The following GFOD1 variants were observed in gnomAD, a reference collection of about 807,000 sequenced individuals.
GFOD1 encodes glucose-fructose oxidoreductase domain-containing protein 1.
A neutral mutation model predicts 25.4 loss-of-function variants in GFOD1; 9 were observed. The ratio of observed to expected loss-of-function variants is 0.35; its 90% confidence interval spans 0.21 to 0.62. The LOEUF (loss-of-function observed/expected upper bound fraction) is 0.62, where lower values mean the gene tolerates loss of function less well. GFOD1 is among the 20% of genes least tolerant of loss of function. The pLI is 0.72. For synonymous variants in GFOD1, 253 were observed against 245.6 expected (o/e 1.03, Z -0.28); for missense variants, 403 against 556.9 (o/e 0.72, Z 2.78).
At chr6:13,371,152 C>T (rs1027416453) in intron 1 of GFOD1, among the ~76,000 whole-genome samples, 5 of 152,162 alleles carry the variant, frequency 3.3e-5, no homozygotes, top group African/African-American at 9.7e-5. Flanking sequence ...TAGATTCTAC[C>T]GGGAAGACAG....
At chr6:13,422,201 T>C (rs2127568479) in intron 1 of GFOD1, among the ~76,000 whole-genome samples, 1 of 152,276 alleles carries the variant, frequency 6.6e-6, no homozygotes, top group East Asian at 1.9e-4. Context: ...AATACTTAGG[T>C]TCTGGTGACA....
chr6:13,381,127 T>TC (rs1785355112), intron 1 of GFOD1, among the ~76,000 whole-genome samples: 2 of 152,348 alleles, frequency 1.3e-5, no homozygotes, highest in South Asian at 4.1e-4. Flanking sequence ...GCAGTCATGC[T>TC]GCCCCTGGTG....
intron 1 of GFOD1, among the ~76,000 whole-genome samples, chr6:13,466,987 C>A (rs1216453421): frequency 6.6e-6 from 1 of 152,106 alleles, no homozygotes; most frequent in Non-Finnish European, 1.5e-5. Flanking sequence ...TGGCAAGCAG[C>A]CGTCCCACTA....
At chr6:13,470,186 A>AT in intron 1 of GFOD1, 1 of 1,571,210 alleles carries the variant, frequency 6.4e-7, no homozygotes, top group Non-Finnish European at 8.7e-7. Context: ...CCTGCGCGCG[A>AT]TGAACGCATC....
chr6:13,453,989 G>T (rs1187332835), intron 1 of GFOD1, among the ~76,000 whole-genome samples: 1 of 152,228 alleles, frequency 6.6e-6, no homozygotes, highest in African/African-American at 2.4e-5. Context: ...AAACAGAGTT[G>T]TGGCAGATGT....
rs1303014411 is a variant in GFOD1 at position 13,412,113 on chromosome 6, C to T, written c.254-46451G>A. Among the ~76,000 whole-genome samples the T allele has an allele frequency of 2.6e-5, 4 of 152,194 alleles. No individual in the cohort carries two copies. In the East Asian group the frequency reaches 7.7e-4, roughly 29 times the overall value. ...ATATTAGCTATGAGGGTTAGACTGCCACTTAGTACATTATAAGTGTTATGA... is the reference window on the plus strand; with the variant it reads ...ATATTAGCTATGAGGGTTAGACTGCTACTTAGTACATTATAAGTGTTATGA... On this transcript the variant is annotated intron_variant, in intron 1 of 1. Transcript: ENST00000379287.
chr6:13,437,410 G>C (rs769156580), intron 1 of GFOD1, among the ~76,000 whole-genome samples: 6 of 152,166 alleles, frequency 3.9e-5, no homozygotes, highest in Non-Finnish European at 7.3e-5. Context: ...CTTTCTGCAA[G>C]GCTAGAATTG....
chr6:13,417,216 C>T (rs762140731), intron 1 of GFOD1, among the ~76,000 whole-genome samples: 12 of 152,158 alleles, frequency 7.9e-5, no homozygotes, highest in South Asian at 2.1e-4. Context: ...TGCAGTGGCG[C>T]GATCTGGGCT....
chr6:13,420,477 G>A (rs1029862139), intron 1 of GFOD1, among the ~76,000 whole-genome samples: 5 of 152,166 alleles, frequency 3.3e-5, no homozygotes, highest in African/African-American at 1.2e-4. Flanking sequence ...GAACACTAAG[G>A]GAATTAGGAG....
intron 1 of GFOD1, among the ~76,000 whole-genome samples, chr6:13,409,365 G>GAGTA (rs1786028605): frequency 7.1e-6 from 1 of 140,436 alleles, no homozygotes; most frequent in African/African-American, 2.6e-5. Flanking sequence ...GAAAGAGACA[G>GAGTA]AGGAAGGAAG....
At chr6:13,441,545 T>C (rs1023529080) in intron 1 of GFOD1, among the ~76,000 whole-genome samples, 1 of 152,238 alleles carries the variant, frequency 6.6e-6, no homozygotes, top group East Asian at 1.9e-4. Flanking sequence ...CTAGTCTCAC[T>C]GCAAAAATAA....
rs751355135 is a variant in GFOD1 at position 13,365,616 on chromosome 6, G to A, written c.300C>T (p.Asp100=). Residue 100 remains aspartate (D), a synonymous_variant, in exon 2 of 2, where the codon GAC becomes GAT. Coordinates refer to ENST00000379287, the MANE Select transcript of GFOD1 (RefSeq NM_018988.4). The surrounding 1 kb of genome is among the most constrained non-coding windows in gnomAD (Gnocchi z 9.2). ...VICDRTATPL[D]AFRMTSAAHY... ...GGGCGGCCGAGGTCATGCGGAAAGC[G>A]TCCAGCGGCGTGGCCGTGCGGTCGC... 7 of 1,601,666 alleles carry A rather than the reference G, an allele frequency of 4.4e-6. No individual in the cohort carries two copies. The African/African-American group carries it at 5.3e-5, about 12-fold the overall frequency.
intron 1 of GFOD1, among the ~76,000 whole-genome samples, chr6:13,386,713 G>A (rs945244803): frequency 1.3e-5 from 2 of 152,160 alleles, no homozygotes; most frequent in African/African-American, 4.8e-5. Flanking sequence ...TGTGGCAGGT[G>A]TAGACTTCAT....
At chr6:13,415,651 G>A (rs964045893) in intron 1 of GFOD1, among the ~76,000 whole-genome samples, 1 of 152,166 alleles carries the variant, frequency 6.6e-6, no homozygotes, top group African/African-American at 2.4e-5. Flanking sequence ...CCTTCTATGT[G>A]TCCGGATTCA....
chr6:13,438,571 T>C (rs557198358), intron 1 of GFOD1, among the ~76,000 whole-genome samples: 2 of 152,200 alleles, frequency 1.3e-5, no homozygotes, highest in African/African-American at 4.8e-5. Flanking sequence ...AATATATTAA[T>C]ATTAATATAT....
intron 1 of GFOD1, among the ~76,000 whole-genome samples, chr6:13,399,191 G>C (rs544815961): frequency 1.3e-5 from 2 of 152,114 alleles, no homozygotes; most frequent in Admixed American, 6.5e-5. Context: ...AGGGAGGGGT[G>C]GCATGTAGGG....
Position 13,361,621 on chromosome 6 carries a change from A to T in GFOD1, c.*3122T>A, listed in dbSNP as rs1440703525. 2 of 152,236 alleles carry T rather than the reference A, an allele frequency of 1.3e-5. No individual in the cohort carries two copies. The highest frequency in any genetic ancestry group is 1.3e-4 in the Admixed American group (2 of 15,284). 9.4% of individuals were successfully genotyped at this position (152,236 alleles called of 1,614,324 possible). A position where few individuals can be genotyped will look rare whatever the true frequency, so the allele number is the denominator to read the frequency against. ...GATTTCAGCTTCATATAGCTACCCC[A>T]AATCAAGTCTTTGCATGTGGTGGGA... On this transcript the variant is annotated 3_prime_UTR_variant, in exon 2 of 2. Transcript: ENST00000379287.
intron 1 of GFOD1, among the ~76,000 whole-genome samples, chr6:13,390,784 G>GAAGA (rs1562202739): frequency 1.3e-3 from 165 of 125,296 alleles, no homozygotes; most frequent in Non-Finnish European, 2.2e-3. Context: ...AGAGAGAAAG[G>GAAGA]AAGGAAGGAA....
At chr6:13,475,604 G>C (rs1758603864) in intron 1 of GFOD1, among the ~76,000 whole-genome samples, 1 of 151,552 alleles carries the variant, frequency 6.6e-6, no homozygotes, top group African/African-American at 2.4e-5. Flanking sequence ...TGTAATCTCA[G>C]CTACTCAGGA....
Sources: gnomAD v4.1 joint callset for allele counts (sites outside exome capture counted in the v4.1 genomes callset) on GRCh38, gnomAD v4.1.1 for gene constraint, Gnocchi (gnomAD v3.1) non-coding constraint, MANE v1.5 for transcripts, NCBI Gene and HGNC (gene_info 2026-07-23, HGNC 2026-07-21) for gene names.